TCEA1: variants seen among roughly 807,000 people sequenced by gnomAD.
TCEA1 encodes transcription elongation factor A1.
Under a neutral mutation model 43.8 loss-of-function variants are expected in TCEA1, and 21 were observed. The ratio of observed to expected loss-of-function variants is 0.48; its 90% CI spans 0.34 to 0.69. The LOEUF is 0.69. TCEA1 is among the 30% of genes least tolerant of loss of function. The pLI, the probability that TCEA1 is intolerant of heterozygous loss-of-function variation, is 0.01. For synonymous variants in TCEA1, 104 were observed against 117.5 expected, an observed-to-expected ratio of 0.88 and a Z score of 0.75; for missense variants, 250 against 365.1, an observed-to-expected ratio of 0.68 and a Z score of 2.57.
intron 1 of TCEA1, among the ~76,000 whole-genome samples, chr8:54,017,045 G>A (rs1299405307): frequency 6.7e-6 from 1 of 149,888 alleles, no homozygotes; most frequent in Non-Finnish European, 1.5e-5. Context: ...ACCACATACT[G>A]TATAATTTCA....
At chr8:54,018,076 C>T (rs1804895059) in intron 1 of TCEA1, among the ~76,000 whole-genome samples, 1 of 152,138 alleles carries the variant, frequency 6.6e-6, no homozygotes, top group Non-Finnish European at 1.5e-5. Context: ...TATAGTCATT[C>T]TAAATTTTGA....
chr8:53,968,215 A>G lies in TCEA1; in HGVS notation c.898-103T>C, dbSNP rs1321845241. 4.2e-6 allele frequency: 4 copies of G among 950,644 alleles called. No homozygotes were observed. The East Asian group carries it at 1.1e-4, about 26-fold the overall frequency. The allele number at this position is 950,644 out of a possible 1,614,324, so 58.9% of individuals were successfully genotyped here. A position where few individuals can be genotyped will look rare whatever the true frequency, so the allele number is the denominator to read the frequency against. ...CTGATATTGCTTTTAAAAAAGATGCATTTTTGAAAAAGATGCTGTATTTTT... is the reference window on the plus strand; with the variant it reads ...CTGATATTGCTTTTAAAAAAGATGCGTTTTTGAAAAAGATGCTGTATTTTT... On this transcript the variant is annotated intron_variant, in intron 9 of 9. Transcript: ENST00000521604.
intron 1 of TCEA1, among the ~76,000 whole-genome samples, chr8:54,020,856 C>G (rs539046527): frequency 7.2e-5 from 11 of 152,118 alleles, no homozygotes; most frequent in African/African-American, 2.7e-4. Flanking sequence ...ATGTGCCGAA[C>G]GTGGTTAAAC....
chr8:54,021,911 G>C, intron 1 of TCEA1, 152 bp downstream of exon 1: 1 of 653,074 alleles, frequency 1.5e-6, no homozygotes, highest in Non-Finnish European at 2.3e-6. Flanking sequence ...CCCCGGGCCC[G>C]GACACCCTCC....
intron 8 of TCEA1, among the ~76,000 whole-genome samples, chr8:53,976,362 A>G (rs956146063): frequency 6.6e-6 from 1 of 152,190 alleles, no homozygotes; most frequent in Non-Finnish European, 1.5e-5. Flanking sequence ...TACTTTATAT[A>G]TACTTAATTC....
Position 53,983,788 on chromosome 8 carries a change from T to G in TCEA1, c.678+575A>C, listed in dbSNP as rs531261333. ...GAGATTCAACTCTCTGGTTCTACAC[T>G]AATTCATAAAAAGTAAAAAACACTT... On this transcript the variant is annotated intron_variant, in intron 7 of 9. Coordinates refer to ENST00000521604, the MANE Select transcript of TCEA1 (RefSeq NM_006756.4). Among the ~76,000 whole-genome samples the G allele has an allele frequency of 4.1e-3, 622 of 152,308 alleles. 4 individuals are homozygous for G. The highest frequency in any genetic ancestry group is 0.014 in the African/African-American group (593 of 41,562).
At chr8:54,004,296 A>G (rs932023655) in intron 2 of TCEA1, among the ~76,000 whole-genome samples, 2 of 147,506 alleles carry the variant, frequency 1.4e-5, no homozygotes, top group Non-Finnish European at 3.1e-5. Context: ...TCTACACAAG[A>G]ACAACAAAAA....
chr8:54,010,243 G>A (rs1173361050), intron 2 of TCEA1, 187 bp downstream of exon 2: 1 of 511,572 alleles, frequency 2.0e-6, no homozygotes, highest in Admixed American at 4.1e-5. Context: ...CTTAAGAAAG[G>A]CGACATTGCT....
intron 4 of TCEA1, 149 bp from the exon 5 acceptor site, chr8:53,988,408 T>G: frequency 1.2e-5 from 11 of 919,960 alleles, no homozygotes; most frequent in Non-Finnish European, 1.7e-5. Flanking sequence ...AAAAATTGCC[T>G]GCATACAGAT....
At chr8:53,989,214 C>T (rs10101289) in intron 4 of TCEA1, among the ~76,000 whole-genome samples, 24,778 of 152,140 alleles carry the variant, frequency 0.16, 5,697 homozygotes, top group African/African-American at 0.52. Context: ...TCGATATGAA[C>T]ATTTAGGCAG....
chr8:53,974,972 A>G (rs1803286278), intron 8 of TCEA1, among the ~76,000 whole-genome samples: 1 of 152,104 alleles, frequency 6.6e-6, no homozygotes. Flanking sequence ...GGCAGATTTA[A>G]ATAGCTATTA....
In TCEA1 at chr8:53,967,056, C is replaced by T. The variant is rs1041104540; in HGVS notation, c.*1048G>A. On this transcript the variant is annotated 3_prime_UTR_variant, in exon 10 of 10. Transcript: ENST00000521604. Reference sequence around the variant, plus strand: ...AGCTACTTGCTATAGCCCATATATTCAGTTTGTTCAACAATCTCACTCATG... The same window carrying T: ...AGCTACTTGCTATAGCCCATATATTTAGTTTGTTCAACAATCTCACTCATG... 1.4e-5 allele frequency: 3 copies of T among 210,272 alleles called. No individual in the cohort carries two copies. Among genetic ancestry groups the T allele is most frequent in the African/African-American group, 4.6e-5 (2 of 43,946 alleles). The allele number at this position is 210,272 out of a possible 1,614,324, so 13.0% of individuals were successfully genotyped here.
chr8:53,981,306 TCTAGGA>T (rs1373923034), intron 7 of TCEA1, among the ~76,000 whole-genome samples: 1 of 152,206 alleles, frequency 6.6e-6, no homozygotes, highest in Non-Finnish European at 1.5e-5. Context: ...GAGGGTGACA[TCTAGGA>T]CTTTCACAGC....
At chr8:53,984,283 A>T in intron 7 of TCEA1, 80 bp downstream of exon 7, 1 of 1,275,384 alleles carries the variant, frequency 7.8e-7, no homozygotes, top group Non-Finnish European at 1.1e-6. Flanking sequence ...ATATTTATAT[A>T]GTAGTCTATG....
intron 3 of TCEA1, among the ~76,000 whole-genome samples, chr8:53,997,264 A>G (rs1174939362): frequency 6.6e-6 from 1 of 152,134 alleles, no homozygotes; most frequent in Non-Finnish European, 1.5e-5. Context: ...CAGAGGAGTC[A>G]GAAAAATCAC....
chr8:54,016,572 C>T (rs1804834093), intron 1 of TCEA1, among the ~76,000 whole-genome samples: 1 of 152,178 alleles, frequency 6.6e-6, no homozygotes, highest in South Asian at 2.1e-4. Flanking sequence ...GGTGCAGTGG[C>T]TCACATCTGT....
chr8:53,981,474 C>G (rs1803498192), intron 7 of TCEA1, among the ~76,000 whole-genome samples: 1 of 152,200 alleles, frequency 6.6e-6, no homozygotes, highest in Admixed American at 6.5e-5. Flanking sequence ...TATGCTACCT[C>G]TACTCTGTCT....
At chr8:53,971,028 T>A (rs1055831356) in intron 8 of TCEA1, among the ~76,000 whole-genome samples, 3 of 152,158 alleles carry the variant, frequency 2.0e-5, no homozygotes, top group African/African-American at 7.2e-5. Context: ...GAGTATAATT[T>A]TATAACAGCA....
intron 4 of TCEA1, among the ~76,000 whole-genome samples, chr8:53,992,547 G>A (rs963850520): frequency 6.6e-6 from 1 of 152,142 alleles, no homozygotes; most frequent in African/African-American, 2.4e-5. Context: ...GGAGGTGGAG[G>A]TTGCAGTGAG....
Sources: allele counts gnomAD v4.1 joint callset (sites outside exome capture counted in the v4.1 genomes callset), GRCh38; gene constraint gnomAD v4.1.1; transcripts MANE v1.5; gene names NCBI Gene and HGNC (gene_info 2026-07-23, HGNC 2026-07-21).